The following PREX2 variants were observed in gnomAD, a reference collection of about 807,000 sequenced individuals.
The protein encoded by PREX2 is phosphatidylinositol 3,4,5-trisphosphate-dependent Rac exchanger 2 protein.
In PREX2, 107 loss-of-function variants were observed where a neutral mutation model predicts 203.2. The ratio of observed to expected loss-of-function variants is 0.53; its 90% confidence interval spans 0.45 to 0.62. The LOEUF (loss-of-function observed/expected upper bound fraction) is 0.62. Among genes scored for constraint, PREX2 ranks in the 20% least tolerant of loss-of-function variants. PREX2 has a pLI of 0.00. For missense variants in PREX2, 1,777 were observed against 1,955.9 expected (o/e 0.91, Z 1.72); for synonymous variants, 672 against 663.6 (o/e 1.01, Z -0.19).
intron 1 of PREX2, among the ~76,000 whole-genome samples, chr8:67,963,792 C>T (rs924040126): frequency 1.3e-5 from 2 of 152,196 alleles, no homozygotes; most frequent in Non-Finnish European, 2.9e-5. Flanking sequence ...TTGAACAATG[C>T]AGAAGGATTG....
intron 33 of PREX2, among the ~76,000 whole-genome samples, chr8:68,144,190 T>A (rs1811280921): frequency 1.3e-5 from 2 of 152,172 alleles, no homozygotes; most frequent in South Asian, 4.1e-4. Context: ...TGCCTTTTCA[T>A]ATAAACTTTA....
intron 35 of PREX2, among the ~76,000 whole-genome samples, chr8:68,182,035 G>A (rs1812094664): frequency 6.6e-6 from 1 of 152,018 alleles, no homozygotes; most frequent in Non-Finnish European, 1.5e-5. Context: ...GTTTGAGTGA[G>A]GAGGTGATGT....
In PREX2 at chr8:68,118,605, C is replaced by T. The variant is rs1454336650; in HGVS notation, c.3382C>T (p.Gln1128Ter). The T allele has an allele frequency of 6.2e-7, 1 of 1,614,044 alleles. No individual in the cohort carries two copies. Among genetic ancestry groups the T allele is most frequent in the South Asian group, 1.1e-5 (1 of 91,080 alleles). ...CTCCTTCACCAGCATCTGCAGCAGC[C>T]AGTGCAGCTCGTATTTCCACAGTGA... ...IASFTSICSS[Q>*]CSSYFHSDEM... The change falls in exon 27 of 40, where the codon CAG becomes TAG. Residue 1128 changes from glutamine to a stop codon, truncating the protein, a stop_gained. Transcript: ENST00000288368. LOFTEE classifies it high-confidence loss of function.
intron 6 of PREX2, among the ~76,000 whole-genome samples, chr8:68,037,076 T>C (rs1808056043): frequency 6.6e-6 from 1 of 152,238 alleles, no homozygotes; most frequent in South Asian, 2.1e-4. Context: ...TAGTTGTCAT[T>C]TTAATTTAAA....
intron 31 of PREX2, among the ~76,000 whole-genome samples, chr8:68,129,157 C>T (rs1249913508): frequency 1.3e-5 from 2 of 152,154 alleles, no homozygotes; most frequent in Non-Finnish European, 2.9e-5. Context: ...AGTATACAGT[C>T]AACACTGACG....
chr8:68,157,340 G>T lies in PREX2; in HGVS notation c.4250G>T (p.Gly1417Val). 6.2e-7 allele frequency: 1 copy of T among 1,605,580 alleles called. No homozygotes were observed. The highest frequency in any genetic ancestry group is 1.3e-5 in the African/African-American group (1 of 74,848). The change falls in exon 35 of 40, where the codon GGA (glycine) becomes GTA (valine). Residue 1417 changes from glycine (G) to valine (V), a missense_variant. Physicochemically the swap from Gly to Val is moderately radical, Grantham distance 109. Transcript: ENST00000288368. ...TACACAGCACTAGAGAGCATGGAAG[G>T]ATATTATTACAGAGACAATGTTTCT... ...LFAQALESME[G>V]YYYRDNVSVE...
chr8:68,106,471 T>C, intron 23 of PREX2: 1 of 393,290 alleles, frequency 2.5e-6, no homozygotes, highest in Non-Finnish European at 4.9e-6. Context: ...TTGTTAATAA[T>C]TTCCTGCATT....
At chr8:67,999,459 TAATA>T (rs1806870759) in intron 1 of PREX2, among the ~76,000 whole-genome samples, 1 of 43,626 alleles carries the variant, frequency 2.3e-5, no homozygotes, top group African/African-American at 8.2e-5. Context: ...ATTGAATCAG[TAATA>T]AATAGCCAAC....
At chr8:68,133,012 A>T (rs1811038516) in intron 31 of PREX2, among the ~76,000 whole-genome samples, 1 of 152,138 alleles carries the variant, frequency 6.6e-6, no homozygotes, top group Non-Finnish European at 1.5e-5. Flanking sequence ...AATACCTGAG[A>T]TTGTGGGTAC....
At position 68,092,358 on chromosome 8, in the gene PREX2, G is replaced by A. The variant is rs569332030; in HGVS notation, c.2251-1247G>A. On this transcript the variant is annotated intron_variant, in intron 20 of 39. Transcript: ENST00000288368. Reference sequence around the variant, plus strand: ...ATGTTAATTAGCATTTTAATGATTTGTAGCAATATATTAATTAGACACACT... The same window carrying A: ...ATGTTAATTAGCATTTTAATGATTTATAGCAATATATTAATTAGACACACT... Among the ~76,000 whole-genome samples, 31 of 152,232 alleles carry A rather than the reference G, an allele frequency of 2.0e-4. 1 individual carries two copies. Among genetic ancestry groups the A allele is most frequent in the African/African-American group, 7.5e-4 (31 of 41,538 alleles).
At chr8:68,134,318 A>T in intron 32 of PREX2, 42 bp downstream of exon 32, 1 of 1,440,198 alleles carries the variant, frequency 6.9e-7, no homozygotes, top group Non-Finnish European at 9.8e-7. Context: ...GTCAACTGTA[A>T]CCTGCACTGT....
In PREX2 at chr8:68,149,225, A is replaced by G. The variant is rs550598068; in HGVS notation, c.4231+2873A>G. 6.6e-4 allele frequency among the ~76,000 whole-genome samples: 101 copies of G among 152,276 alleles called. 1 individual carries two copies. Among genetic ancestry groups the G allele is most frequent in the African/African-American group, 2.4e-3 (100 of 41,560 alleles). ...TTCCTTGCCTCCATGGATCACTGGGAAAAGGAGGGCACAGTAGTTGATGGG... is the reference window on the plus strand; with the variant it reads ...TTCCTTGCCTCCATGGATCACTGGGGAAAGGAGGGCACAGTAGTTGATGGG... On this transcript the variant is annotated intron_variant, in intron 34 of 39. Transcript: ENST00000288368.
At chr8:68,059,440 G>T (rs1221349465) in intron 10 of PREX2, among the ~76,000 whole-genome samples, 1 of 152,176 alleles carries the variant, frequency 6.6e-6, no homozygotes, top group Non-Finnish European at 1.5e-5. Context: ...GCAGTGTGTG[G>T]TAGACAGTTC....
Position 68,109,523 on chromosome 8 carries a change from AAAG to A in PREX2, c.3054_3056del (p.Glu1018del), listed in dbSNP as rs1442801926. ...TGGCCATGGTCTCAGGTATCTGCTA[AAAG>A]AAGAAGACTTAGAAACCCAAGACAT... is the stretch of plus-strand genomic sequence containing the variant. On this transcript the variant is annotated inframe_deletion, in exon 25 of 40. Coordinates refer to ENST00000288368, the MANE Select transcript of PREX2 (RefSeq NM_024870.4). 5 of 1,613,944 alleles carry A rather than the reference AAAG, an allele frequency of 3.1e-6. No individual in the cohort carries two copies. The highest frequency in any genetic ancestry group is 1.7e-5 in the Admixed American group (1 of 59,998).
intron 1 of PREX2, among the ~76,000 whole-genome samples, chr8:67,976,039 T>C (rs1381911985): frequency 8.6e-5 from 13 of 152,002 alleles, no homozygotes. Context: ...ATTTTTGATT[T>C]AAAAAAATGC....
At chr8:68,124,627 C>T (rs1158623980) in intron 30 of PREX2, among the ~76,000 whole-genome samples, 1 of 151,934 alleles carries the variant, frequency 6.6e-6, no homozygotes, top group Non-Finnish European at 1.5e-5. Context: ...GCACATGTAC[C>T]CTTGAACTTA....
intron 13 of PREX2, among the ~76,000 whole-genome samples, chr8:68,072,202 A>AATAT (rs1809217229): frequency 6.6e-6 from 1 of 152,148 alleles, no homozygotes; most frequent in African/African-American, 2.4e-5. Flanking sequence ...ATTTCCAGCT[A>AATAT]ATATAGCAGT....
rs529964415 is a variant in PREX2 at position 67,961,224 on chromosome 8, G to T, written c.141+8689G>T. ...TAAAATTATTATGTCTGTGTTTTCAGCACTATTGGTTTGACCTAAAAATAA... is the reference window on the plus strand; with the variant it reads ...TAAAATTATTATGTCTGTGTTTTCATCACTATTGGTTTGACCTAAAAATAA... On this transcript the variant is annotated intron_variant, in intron 1 of 39. Coordinates refer to ENST00000288368, the MANE Select transcript of PREX2 (RefSeq NM_024870.4). 5.3e-5 allele frequency among the ~76,000 whole-genome samples: 8 copies of T among 151,782 alleles called. No homozygotes were observed. The South Asian group carries it at 1.7e-3, about 32-fold the overall frequency.
intron 6 of PREX2, among the ~76,000 whole-genome samples, chr8:68,034,349 C>T (rs1261953087): frequency 6.6e-6 from 1 of 152,108 alleles, no homozygotes; most frequent in African/African-American, 2.4e-5. Context: ...TTTCATAGAA[C>T]AGGATCATGC....
Sources: allele counts gnomAD v4.1 joint callset (sites outside exome capture counted in the v4.1 genomes callset), GRCh38; gene constraint gnomAD v4.1.1; transcripts MANE v1.5; gene names NCBI Gene and HGNC (gene_info 2026-07-23, HGNC 2026-07-21).